CNTNAP2: variants seen among roughly 807,000 people sequenced by gnomAD.
CNTNAP2 encodes contactin associated protein 2.
A neutral mutation model predicts 155.2 loss-of-function variants in CNTNAP2; 98 were observed. The ratio of observed to expected loss-of-function variants is 0.63; its 90% CI spans 0.54 to 0.75. The LOEUF (loss-of-function observed/expected upper bound fraction) is 0.75. Ranked by LOEUF, CNTNAP2 falls within the 30% of genes least tolerant of loss-of-function variation. CNTNAP2 has a pLI of 0.00. For synonymous variants in CNTNAP2, 651 were observed against 631.2 expected (o/e 1.03, Z -0.47); for missense variants, 1,727 against 1,688.1 (o/e 1.02, Z -0.40).
At chr7:147,931,182 T>G (rs1800495209) in intron 14 of CNTNAP2, among the ~76,000 whole-genome samples, 1 of 143,856 alleles carries the variant, frequency 7.0e-6, no homozygotes, top group Non-Finnish European at 1.5e-5. Context: ...AGAAATAATG[T>G]AGATTAGAGC....
At chr7:148,231,344 G>A (rs970314702) in intron 20 of CNTNAP2, among the ~76,000 whole-genome samples, 1 of 152,130 alleles carries the variant, frequency 6.6e-6, no homozygotes, top group Admixed American at 6.5e-5. Context: ...GGGAGGGTCT[G>A]GTTCTATTGC....
At chr7:146,551,364 C>A (rs1798119223) in intron 1 of CNTNAP2, among the ~76,000 whole-genome samples, 1 of 151,984 alleles carries the variant, frequency 6.6e-6, no homozygotes, top group Non-Finnish European at 1.5e-5. Flanking sequence ...GTTCAATTCC[C>A]ACCTATGAGT....
intron 1 of CNTNAP2, among the ~76,000 whole-genome samples, chr7:146,382,491 A>G (rs1394649719): frequency 6.6e-6 from 1 of 152,222 alleles, no homozygotes; most frequent in South Asian, 2.1e-4. Context: ...TCTGAAAACT[A>G]TGTCAATGTT....
At chr7:147,204,740 G>T (rs1802985903) in intron 8 of CNTNAP2, among the ~76,000 whole-genome samples, 1 of 152,048 alleles carries the variant, frequency 6.6e-6, no homozygotes, top group Non-Finnish European at 1.5e-5. Context: ...AATATTAGGG[G>T]AAACTGGGTG....
chr7:146,944,704 C>T (rs1457701435), intron 3 of CNTNAP2, among the ~76,000 whole-genome samples: 1 of 151,934 alleles, frequency 6.6e-6, no homozygotes, highest in East Asian at 1.9e-4. Flanking sequence ...CGGTGAAACC[C>T]CATCTCTACT....
At chr7:148,027,265 A>G (rs917370333) in intron 15 of CNTNAP2, among the ~76,000 whole-genome samples, 1 of 152,240 alleles carries the variant, frequency 6.6e-6, no homozygotes, top group Non-Finnish European at 1.5e-5. Flanking sequence ...TTTTCTTCAC[A>G]TTAAAGTGTA....
intron 9 of CNTNAP2, among the ~76,000 whole-genome samples, chr7:147,386,424 A>G (rs559214585): frequency 6.6e-6 from 1 of 152,310 alleles, no homozygotes; most frequent in Admixed American, 6.5e-5. Context: ...TGCCTTTAAC[A>G]GCACGCATTC....
At chr7:146,217,569 A>G (rs1205916083) in intron 1 of CNTNAP2, among the ~76,000 whole-genome samples, 1 of 152,206 alleles carries the variant, frequency 6.6e-6, no homozygotes, top group Non-Finnish European at 1.5e-5. Context: ...CATTTAAGGT[A>G]AGAGTCAGGA....
chr7:147,408,334 C>T (rs1032044466), intron 10 of CNTNAP2, among the ~76,000 whole-genome samples: 3 of 152,154 alleles, frequency 2.0e-5, no homozygotes, highest in Non-Finnish European at 4.4e-5. Context: ...TTCCAGGGAG[C>T]TGGAAAGTAC....
intron 8 of CNTNAP2, among the ~76,000 whole-genome samples, chr7:147,179,289 C>T (rs535401773): frequency 2.0e-5 from 3 of 151,986 alleles, no homozygotes; most frequent in South Asian, 4.2e-4. Flanking sequence ...GTGGTATATG[C>T]GATAAAGAAA....
chr7:146,502,241 A>ATG (rs1554441634), intron 1 of CNTNAP2, among the ~76,000 whole-genome samples: 2 of 134,320 alleles, frequency 1.5e-5, no homozygotes. Flanking sequence ...ATATATATAT[A>ATG]TATATATATA....
chr7:147,870,766 C>T (rs1247833175), intron 13 of CNTNAP2, among the ~76,000 whole-genome samples: 3 of 152,082 alleles, frequency 2.0e-5, no homozygotes, highest in Non-Finnish European at 4.4e-5. Flanking sequence ...GTGGAAGTCA[C>T]CTAGGAAAAT....
intron 1 of CNTNAP2, among the ~76,000 whole-genome samples, chr7:146,687,286 C>T (rs1006125286): frequency 6.6e-6 from 1 of 152,134 alleles, no homozygotes; most frequent in Non-Finnish European, 1.5e-5. Flanking sequence ...TAGATACTAA[C>T]TAAATATGTG....
At chr7:148,024,817 A>G (rs1802348616) in intron 15 of CNTNAP2, among the ~76,000 whole-genome samples, 1 of 152,198 alleles carries the variant, frequency 6.6e-6, no homozygotes, top group South Asian at 2.1e-4. Context: ...TCTCTGGGCC[A>G]CACCAGAGAA....
chr7:147,222,653 A>G (rs1276042279), intron 8 of CNTNAP2, among the ~76,000 whole-genome samples: 2 of 152,090 alleles, frequency 1.3e-5, no homozygotes, highest in African/African-American at 2.4e-5. Flanking sequence ...ATAGCCAGAC[A>G]CAATGTACTG....
chr7:146,372,960 A>G (rs1026326915), intron 1 of CNTNAP2, among the ~76,000 whole-genome samples: 2 of 152,202 alleles, frequency 1.3e-5, no homozygotes, highest in Non-Finnish European at 2.9e-5. Flanking sequence ...GACAGATCAC[A>G]TATTACCTGA....
chr7:147,786,130 A>C (rs1797735419), intron 13 of CNTNAP2, among the ~76,000 whole-genome samples: 1 of 152,030 alleles, frequency 6.6e-6, no homozygotes, highest in African/African-American at 2.4e-5. Context: ...TCTCTACTAA[A>C]AATACAAAAA....
At chr7:146,617,012 G>GT (rs201217951) in intron 1 of CNTNAP2, among the ~76,000 whole-genome samples, 1,299 of 87,064 alleles carry the variant, frequency 0.015, 13 homozygotes, top group African/African-American at 0.072. Context: ...CAGGAAACCT[G>GT]GTTTTTTTGT....
chr7:147,925,174 G>GGAAA (rs1800367413), intron 14 of CNTNAP2, among the ~76,000 whole-genome samples: 1 of 146,522 alleles, frequency 6.8e-6, no homozygotes, highest in Non-Finnish European at 1.5e-5. Context: ...AAGGAAGGAA[G>GGAAA]GAAGGAAGGA....
Sources: gnomAD v4.1 joint callset for allele counts (sites outside exome capture counted in the v4.1 genomes callset) on GRCh38, gnomAD v4.1.1 for gene constraint, MANE v1.5 for transcripts, NCBI Gene and HGNC (gene_info 2026-07-23, HGNC 2026-07-21) for gene names.